The following TYR variants were observed in gnomAD, a reference collection of about 807,000 sequenced individuals.
TYR encodes the protein tyrosinase.
TYR carries 58 observed loss-of-function variants against 51.5 expected under a neutral mutation model. The observed-to-expected ratio is 1.13, with a 90% CI of 0.91 to 1.40. The LOEUF is 1.40. Among genes scored for constraint, TYR ranks in the 40% most tolerant of loss-of-function variants. The probability of loss-of-function intolerance (pLI) is 0.00; values close to 1 mark genes in which losing one functional copy is unlikely to be tolerated. For synonymous variants in TYR, 263 were observed against 235.2 expected, an observed-to-expected ratio of 1.12 and a Z score of -1.08; for missense variants, 732 against 647.4, an observed-to-expected ratio of 1.13 and a Z score of -1.42.
chr11:89,283,422 C>A (rs1457056312), intron 3 of TYR, among the ~76,000 whole-genome samples: 1 of 151,810 alleles, frequency 6.6e-6, no homozygotes, highest in African/African-American at 2.4e-5. Flanking sequence ...ATTATCACTT[C>A]TTTTTCAATA....
chr11:89,258,671 A>G (rs542428223), intron 3 of TYR, among the ~76,000 whole-genome samples: 1 of 152,264 alleles, frequency 6.6e-6, no homozygotes, highest in South Asian at 2.1e-4. Context: ...TAAGAAAAAC[A>G]AAGTATTTTT....
intron 2 of TYR, among the ~76,000 whole-genome samples, chr11:89,204,759 A>G (rs979716203): frequency 3.3e-5 from 5 of 151,974 alleles, no homozygotes; most frequent in African/African-American, 1.2e-4. Flanking sequence ...TAAAATACCC[A>G]AAATGTCCAG....
chr11:89,228,582 G>T (rs1944005305), intron 3 of TYR, among the ~76,000 whole-genome samples: 1 of 152,174 alleles, frequency 6.6e-6, no homozygotes, highest in Non-Finnish European at 1.5e-5. Flanking sequence ...TCTGGAAATT[G>T]TATTGTTATT....
chr11:89,284,899 T>G lies in TYR; in HGVS notation c.1311T>G (p.Asp437Glu). Reference sequence around the variant, plus strand: ...TTATACCACTGTACAGAAATGGTGATTTCTTTATTTCATCCAAAGATCTGG... The same window carrying G: ...TTATACCACTGTACAGAAATGGTGAGTTCTTTATTTCATCCAAAGATCTGG... Reference protein sequence around the residue: ...VPFIPLYRNGDFFISSKDLGY... With the variant: ...VPFIPLYRNGEFFISSKDLGY... Residue 437 changes from aspartate (D) to glutamate (E), a missense_variant, in exon 4 of 5, where the codon GAT becomes GAG. Transcript: ENST00000263321. 1 of 1,611,842 alleles carries G rather than the reference T, an allele frequency of 6.2e-7. No homozygotes were observed. Among genetic ancestry groups the G allele is most frequent in the Non-Finnish European group, 8.5e-7 (1 of 1,178,496 alleles).
intron 2 of TYR, among the ~76,000 whole-genome samples, chr11:89,193,269 G>T (rs1033854141): frequency 1.3e-5 from 2 of 152,054 alleles, no homozygotes; most frequent in South Asian, 4.2e-4. Context: ...TTATTATTAA[G>T]AAGCATGGGT....
chr11:89,258,001 C>G (rs902558714), intron 3 of TYR, among the ~76,000 whole-genome samples: 1 of 151,934 alleles, frequency 6.6e-6, no homozygotes. Context: ...AAATCATGTT[C>G]TTCATAAAAC....
At chr11:89,230,450 G>C (rs960735150) in intron 3 of TYR, among the ~76,000 whole-genome samples, 2 of 152,056 alleles carry the variant, frequency 1.3e-5, no homozygotes, top group African/African-American at 4.8e-5. Flanking sequence ...TATGGTAAAA[G>C]TTCCAAGACT....
In TYR at chr11:89,191,269, C is replaced by A. The variant is rs757724131; in HGVS notation, c.887C>A (p.Pro296His). 4.3e-6 allele frequency: 7 copies of A among 1,613,486 alleles called. No individual in the cohort carries two copies. The highest frequency in any genetic ancestry group is 2.7e-5 in the African/African-American group (2 of 74,826). The change falls in exon 2 of 5, where the codon CCT becomes CAT. Residue 296 changes from proline to histidine, a missense_variant. By Grantham distance (77) the Pro-to-His change is moderately conservative (BLOSUM62 -2). Coordinates refer to ENST00000263321, the MANE Select transcript of TYR (RefSeq NM_000372.5). The part of the protein sequence containing the change: ...QSLCNGTPEG[P>H]LRRNPGNHDK... ...TTATGCAATGGAACGCCCGAGGGACCTTTACGGCGTAATCCTGGAAACCAT... is the reference window on the plus strand; with the variant it reads ...TTATGCAATGGAACGCCCGAGGGACATTTACGGCGTAATCCTGGAAACCAT...
In TYR at chr11:89,211,338, A is replaced by T. The variant is rs148227795; in HGVS notation, c.1037-16485A>T. ...AATCCTGGTCTTTAAACTAACAAAA[A>T]TCAAAAGAAAAAAAGAAGGCCATTA... On this transcript the variant is annotated intron_variant, in intron 2 of 4. Coordinates refer to ENST00000263321, the MANE Select transcript of TYR (RefSeq NM_000372.5). Among the ~76,000 whole-genome samples the T allele has an allele frequency of 9.5e-3, 1,440 of 152,164 alleles. 14 individuals are homozygous for T. Among genetic ancestry groups the T allele is most frequent in the Middle Eastern group, 0.02 (6 of 294 alleles).
intron 3 of TYR, among the ~76,000 whole-genome samples, chr11:89,264,094 G>A (rs1944495448): frequency 6.6e-6 from 1 of 152,088 alleles, no homozygotes; most frequent in East Asian, 1.9e-4. Flanking sequence ...AAGTGGGGGA[G>A]TATTATTTTT....
intron 3 of TYR, among the ~76,000 whole-genome samples, chr11:89,241,578 C>T (rs889811394): frequency 1.3e-5 from 2 of 151,710 alleles, no homozygotes; most frequent in African/African-American, 2.4e-5. Flanking sequence ...TTATTGAGCT[C>T]CTGACACTAT....
intron 4 of TYR, among the ~76,000 whole-genome samples, chr11:89,291,563 G>A (rs1944853613): frequency 6.6e-6 from 1 of 151,766 alleles, no homozygotes. Context: ...CACTTGTGCT[G>A]TTTTAGTCTC....
intron 2 of TYR, among the ~76,000 whole-genome samples, chr11:89,200,055 C>T (rs553170143): frequency 6.6e-6 from 1 of 152,258 alleles, no homozygotes; most frequent in African/African-American, 2.4e-5. Flanking sequence ...ATTTATAACT[C>T]TATTTTATGC....
chr11:89,183,471 C>A, intron 1 of TYR, among the ~76,000 whole-genome samples: 1 of 151,880 alleles, frequency 6.6e-6, no homozygotes, highest in Admixed American at 6.6e-5. Context: ...TGTGTGTGTG[C>A]TAATAGGAGG....
chr11:89,209,016 G>C (rs1269495613), intron 2 of TYR, among the ~76,000 whole-genome samples: 1 of 152,150 alleles, frequency 6.6e-6, no homozygotes, highest in African/African-American at 2.4e-5. Context: ...ATCTCCCAGG[G>C]AGATCAATGC....
intron 3 of TYR, among the ~76,000 whole-genome samples, chr11:89,269,102 G>C (rs989751039): frequency 4.0e-5 from 6 of 151,860 alleles, no homozygotes; most frequent in African/African-American, 1.5e-4. Context: ...TACATCACTG[G>C]AGCTTGACAT....
chr11:89,189,925 C>T (rs1345760842), intron 1 of TYR, among the ~76,000 whole-genome samples: 1 of 152,062 alleles, frequency 6.6e-6, no homozygotes, highest in Non-Finnish European at 1.5e-5. Context: ...GACAGAGGTC[C>T]CACACTACTA....
intron 2 of TYR, among the ~76,000 whole-genome samples, chr11:89,192,367 T>C (rs1166127282): frequency 6.6e-6 from 1 of 151,924 alleles, no homozygotes; most frequent in East Asian, 1.9e-4. Context: ...GGGGAAGACA[T>C]AGGCACTGAC....
chr11:89,227,972 T>G lies in TYR; in HGVS notation c.1184+2T>G. 6.2e-7 allele frequency: 1 copy of G among 1,613,138 alleles called. No homozygotes were observed. Among genetic ancestry groups the G allele is most frequent in the Non-Finnish European group, 8.5e-7 (1 of 1,179,512 alleles). On this transcript the variant is annotated splice_donor_variant, in intron 3 of 4. Transcript: ENST00000263321. LOFTEE classifies it high-confidence loss of function. ...TCTTCACCATGCATTTGTTGACAGG[T>G]TGGTTAATATTTCTTTATAAATAAC...
Sources: gnomAD v4.1 joint callset for allele counts (sites outside exome capture counted in the v4.1 genomes callset) on GRCh38, gnomAD v4.1.1 for gene constraint, MANE v1.5 for transcripts, NCBI Gene and HGNC (gene_info 2026-07-23, HGNC 2026-07-21) for gene names.